Variants in CACNA2D3 observed in about 807,000 individuals in gnomAD.
CACNA2D3 encodes calcium voltage-gated channel auxiliary subunit alpha2delta 3, also known as voltage-dependent calcium channel subunit alpha-2/delta-3.
In CACNA2D3, 60 loss-of-function variants were observed where a neutral mutation model predicts 160.6. The observed-to-expected ratio is 0.37, with a 90% confidence interval of 0.30 to 0.46. The LOEUF (loss-of-function observed/expected upper bound fraction) is 0.46, where lower values mean the gene tolerates loss of function less well. Among genes scored for constraint, CACNA2D3 ranks in the 20% least tolerant of loss-of-function variants. CACNA2D3 has a pLI of 1.00. For missense variants in CACNA2D3, 1,205 were observed against 1,365.0 expected (o/e 0.88, Z 1.85); for synonymous variants, 558 against 492.9 (o/e 1.13, Z -1.75).
intron 4 of CACNA2D3, among the ~76,000 whole-genome samples, chr3:54,447,938 C>A (rs572447972): frequency 1.3e-5 from 2 of 152,032 alleles, no homozygotes; most frequent in African/African-American, 2.4e-5. Context: ...TAGAAAAACC[C>A]GTATTTAGTG....
intron 27 of CACNA2D3, among the ~76,000 whole-genome samples, chr3:54,911,326 C>G (rs9829803): frequency 0.013 from 1,862 of 138,770 alleles, 55 homozygotes; most frequent in African/African-American, 0.049. Context: ...CCCCGCTTCT[C>G]CTCCTCCCCC....
chr3:54,997,924 T>C (rs1434089920), intron 31 of CACNA2D3, among the ~76,000 whole-genome samples: 3 of 152,126 alleles, frequency 2.0e-5, no homozygotes, highest in African/African-American at 7.2e-5. Flanking sequence ...AAGATATCCC[T>C]TGGGAATTCA....
chr3:54,861,156 G>A (rs111902584), intron 17 of CACNA2D3, among the ~76,000 whole-genome samples: 2 of 152,118 alleles, frequency 1.3e-5, no homozygotes, highest in Admixed American at 6.5e-5. Context: ...GCAGTACAAT[G>A]TGATGGCTGG....
At chr3:54,625,006 C>G (rs542466967) in intron 9 of CACNA2D3, among the ~76,000 whole-genome samples, 154 of 152,334 alleles carry the variant, frequency 1.0e-3, no homozygotes, top group Admixed American at 2.2e-3. Flanking sequence ...GATTTGTTCA[C>G]CAGGCATTCC....
rs537953651 is a variant in CACNA2D3 at position 54,890,490 on chromosome 3, C to A, written c.2151-865C>A. On this transcript the variant is annotated intron_variant, in intron 24 of 37. Coordinates refer to ENST00000474759, the MANE Select transcript of CACNA2D3 (RefSeq NM_018398.3). ...CAGCCTGGGTGACAGAGCCAGACTC[C>A]GTCTCAAAAAAAAAAAAAAAAAAAG... Among the ~76,000 whole-genome samples, 67 of 120,788 alleles carry A rather than the reference C, an allele frequency of 5.5e-4. No homozygotes were observed. The East Asian group carries it at 0.013, about 24-fold the overall frequency. The allele number at this position is 120,788 out of a possible 152,430, so 79.2% of individuals were successfully genotyped here. A position where few individuals can be genotyped will look rare whatever the true frequency, so the allele number is the denominator to read the frequency against.
Position 54,837,203 on chromosome 3 carries a change from G to A in CACNA2D3, c.1443G>A (p.Met481Ile). 1 of 1,613,994 alleles carries A rather than the reference G, an allele frequency of 6.2e-7. No individual in the cohort carries two copies. The highest frequency in any genetic ancestry group is 8.5e-7 in the Non-Finnish European group (1 of 1,179,882). ...QGPVLMTTVA[M>I]PVFSKQNETR... ...CCGTCCTGATGACCACTGTAGCCATGCCTGTGTTTAGTAAGCAGAACGAAA... is the reference window on the plus strand; with the variant it reads ...CCGTCCTGATGACCACTGTAGCCATACCTGTGTTTAGTAAGCAGAACGAAA... The change falls in exon 15 of 38, where the codon ATG (methionine) becomes ATA (isoleucine). Residue 481 changes from methionine (M) to isoleucine (I), a missense_variant. Transcript: ENST00000474759.
intron 4 of CACNA2D3, among the ~76,000 whole-genome samples, chr3:54,447,250 A>G (rs1347815987): frequency 2.6e-5 from 4 of 152,194 alleles, no homozygotes; most frequent in Non-Finnish European, 5.9e-5. Context: ...TTATATTGTG[A>G]TGGGTGAAAG....
chr3:54,469,948 CT>C (rs1700699876), intron 4 of CACNA2D3, among the ~76,000 whole-genome samples: 1 of 152,144 alleles, frequency 6.6e-6, no homozygotes, highest in South Asian at 2.1e-4. Flanking sequence ...ACCAAACTTA[CT>C]TTTGACTGAT....
At chr3:54,511,984 T>G (rs1701466744) in intron 5 of CACNA2D3, among the ~76,000 whole-genome samples, 1 of 152,178 alleles carries the variant, frequency 6.6e-6, no homozygotes, top group Non-Finnish European at 1.5e-5. Flanking sequence ...TCAAGTATGT[T>G]CCAGTGGGGG....
Position 54,408,355 on chromosome 3 carries a change from C to T in CACNA2D3, c.381+21581C>T, listed in dbSNP as rs1450336007. ...TCCACAAATGCAAAATTAAAATTGC[C>T]TAACAGACCAGGCAAAACCAAAATG... On this transcript the variant is annotated intron_variant, in intron 4 of 37. Transcript: ENST00000474759. 5.3e-5 allele frequency among the ~76,000 whole-genome samples: 8 copies of T among 152,064 alleles called. No homozygotes were observed. The South Asian group carries it at 1.5e-3, about 28-fold the overall frequency.
intron 9 of CACNA2D3, among the ~76,000 whole-genome samples, chr3:54,600,664 G>C (rs898939773): frequency 6.6e-6 from 1 of 152,210 alleles, no homozygotes; most frequent in Non-Finnish European, 1.5e-5. Context: ...GTGAGGCAAT[G>C]AGGGAACTGA....
intron 2 of CACNA2D3, among the ~76,000 whole-genome samples, chr3:54,312,571 A>G (rs191668505): frequency 2.4e-4 from 36 of 152,288 alleles, no homozygotes; most frequent in African/African-American, 7.9e-4. Context: ...GAACAACATT[A>G]AGTGTTCTGA....
intron 35 of CACNA2D3, among the ~76,000 whole-genome samples, chr3:55,065,145 A>G (rs559157059): frequency 6.6e-6 from 1 of 152,302 alleles, no homozygotes; most frequent in African/African-American, 2.4e-5. Context: ...GATTGTTTTC[A>G]GGGATGGGAT....
chr3:54,341,246 T>G (rs1429988593), intron 3 of CACNA2D3, among the ~76,000 whole-genome samples: 1 of 152,244 alleles, frequency 6.6e-6, no homozygotes, highest in East Asian at 1.9e-4. Flanking sequence ...CTGCCTTCAG[T>G]GTTTGTTCTC....
chr3:54,871,435 C>A, intron 17 of CACNA2D3, 104 bp from the exon 18 acceptor site: 2 of 832,262 alleles, frequency 2.4e-6, no homozygotes, highest in Admixed American at 2.2e-5. Context: ...CGGTCCACTC[C>A]CAAGCCCTGT....
chr3:54,857,018 C>G (rs571292546), intron 17 of CACNA2D3, among the ~76,000 whole-genome samples: 1 of 152,124 alleles, frequency 6.6e-6, no homozygotes, highest in Non-Finnish European at 1.5e-5. Context: ...TGAGCTCAGG[C>G]AAGCCACCTG....
intron 11 of CACNA2D3, among the ~76,000 whole-genome samples, chr3:54,678,052 G>A (rs958621121): frequency 6.6e-6 from 1 of 152,184 alleles, no homozygotes; most frequent in African/African-American, 2.4e-5. Context: ...TGGTAGATGG[G>A]TCTTGTTTTT....
chr3:54,660,621 A>G (rs545125320), intron 11 of CACNA2D3, among the ~76,000 whole-genome samples: 51 of 152,306 alleles, frequency 3.3e-4, no homozygotes, highest in African/African-American at 1.1e-3. Context: ...CCAATGCCAA[A>G]TGGTTTTGGC....
chr3:54,838,588 G>A lies in CACNA2D3; in HGVS notation c.1491G>A (p.Leu497=). ...GACAGAGATCGAAGGGCATTCTTCT[G>A]GGAGTGGTTGGCACAGATGTCCCAG... ...QNETRSKGIL[L]GVVGTDVPVK... Residue 497 remains leucine, a synonymous_variant, in exon 16 of 38, where the codon CTG becomes CTA. Coordinates refer to ENST00000474759, the MANE Select transcript of CACNA2D3 (RefSeq NM_018398.3). 5.6e-6 allele frequency: 9 copies of A among 1,613,404 alleles called. No homozygotes were observed. The highest frequency in any genetic ancestry group is 7.6e-6 in the Non-Finnish European group (9 of 1,179,366).
Sources: gnomAD v4.1 joint callset for allele counts (sites outside exome capture counted in the v4.1 genomes callset) on GRCh38, gnomAD v4.1.1 for gene constraint, MANE v1.5 for transcripts, NCBI Gene and HGNC (gene_info 2026-07-23, HGNC 2026-07-21) for gene names.